SLC24A3: variants seen among roughly 807,000 people sequenced by gnomAD.
The protein encoded by SLC24A3 is sodium/potassium/calcium exchanger 3.
In SLC24A3, 28 loss-of-function variants were observed where a neutral mutation model predicts 75.8. The observed-to-expected ratio is 0.37, with a 90% CI of 0.27 to 0.51. SLC24A3 has a LOEUF of 0.51. Ranked by LOEUF, SLC24A3 falls within the 20% of genes least tolerant of loss-of-function variation. The pLI is 0.94. For missense variants in SLC24A3, 663 were observed against 847.8 expected (o/e 0.78, Z 2.71); for synonymous variants, 372 against 334.1 (o/e 1.11, Z -1.24).
intron 2 of SLC24A3, among the ~76,000 whole-genome samples, chr20:19,483,897 T>C (rs969689077): frequency 6.6e-6 from 1 of 152,194 alleles, no homozygotes; most frequent in Non-Finnish European, 1.5e-5. Flanking sequence ...TTCCAGGAAC[T>C]GAGGTCTGGC....
At chr20:19,669,455 T>C (rs1026838384) in intron 8 of SLC24A3, among the ~76,000 whole-genome samples, 6 of 151,842 alleles carry the variant, frequency 4.0e-5, no homozygotes, top group Admixed American at 6.6e-5. Flanking sequence ...TGAGCCAAGA[T>C]TGTGCCACTG....
intron 6 of SLC24A3, among the ~76,000 whole-genome samples, chr20:19,649,781 AC>A (rs2032180188): frequency 1.3e-5 from 2 of 152,166 alleles, no homozygotes; most frequent in African/African-American, 4.8e-5. Context: ...GTGTCTGGGA[AC>A]AGGGACCCAA....
intron 4 of SLC24A3, among the ~76,000 whole-genome samples, chr20:19,580,402 A>G (rs1461461369): frequency 6.6e-6 from 1 of 151,814 alleles, no homozygotes; most frequent in Admixed American, 6.6e-5. Context: ...CCTTTCTGTT[A>G]CTTCCTCCAC....
chr20:19,645,680 A>G (rs2032128493), intron 6 of SLC24A3, among the ~76,000 whole-genome samples: 1 of 152,174 alleles, frequency 6.6e-6, no homozygotes, highest in Non-Finnish European at 1.5e-5. Context: ...CTAAAAAAAA[A>G]TGCAATGTAC....
intron 2 of SLC24A3, among the ~76,000 whole-genome samples, chr20:19,346,091 ATATATATATATATATATG>A (rs1985395371): frequency 1.4e-5 from 1 of 71,648 alleles, no homozygotes; most frequent in East Asian, 3.6e-4. Flanking sequence ...ATATATATAT[ATATATATATATATATATG>A]GTGTGTGTGT....
At chr20:19,326,644 C>G (rs1984871507) in intron 2 of SLC24A3, among the ~76,000 whole-genome samples, 1 of 149,360 alleles carries the variant, frequency 6.7e-6, no homozygotes, top group South Asian at 2.1e-4. Context: ...GTGATGCAAT[C>G]ATAACTCACT....
intron 2 of SLC24A3, among the ~76,000 whole-genome samples, chr20:19,463,127 C>A (rs2122497252): frequency 6.6e-6 from 1 of 152,274 alleles, no homozygotes; most frequent in East Asian, 1.9e-4. Context: ...GAGAAATATT[C>A]CATAGCTTTC....
At chr20:19,247,708 G>A (rs955749752) in intron 1 of SLC24A3, among the ~76,000 whole-genome samples, 1 of 152,310 alleles carries the variant, frequency 6.6e-6, no homozygotes, top group Admixed American at 6.5e-5. Flanking sequence ...ATTGTATATT[G>A]AGAACATGCT....
intron 2 of SLC24A3, among the ~76,000 whole-genome samples, chr20:19,313,956 A>G (rs1367676814): frequency 1.3e-5 from 2 of 152,240 alleles, no homozygotes; most frequent in African/African-American, 4.8e-5. Context: ...GATGCCAGAT[A>G]CATGAGTTGA....
intron 2 of SLC24A3, among the ~76,000 whole-genome samples, chr20:19,345,416 T>C (rs1985369046): frequency 6.6e-6 from 1 of 152,192 alleles, no homozygotes; most frequent in African/African-American, 2.4e-5. Context: ...AAAGTTTATA[T>C]TGAAAGGCAA....
At chr20:19,325,034 T>A (rs1984806341) in intron 2 of SLC24A3, among the ~76,000 whole-genome samples, 1 of 149,708 alleles carries the variant, frequency 6.7e-6, no homozygotes, top group Non-Finnish European at 1.5e-5. Flanking sequence ...TTTTTTTTTT[T>A]AATGACACTA....
At chr20:19,568,616 G>T (rs912693456) in intron 3 of SLC24A3, among the ~76,000 whole-genome samples, 2 of 152,158 alleles carry the variant, frequency 1.3e-5, no homozygotes, top group African/African-American at 2.4e-5. Context: ...GGAAAATGGG[G>T]AGTTATTGTT....
At chr20:19,372,490 C>T (rs1023346458) in intron 2 of SLC24A3, among the ~76,000 whole-genome samples, 15 of 152,140 alleles carry the variant, frequency 9.9e-5, no homozygotes, top group East Asian at 1.9e-4. Context: ...ATGGTTCATG[C>T]GGGAATAAAG....
chr20:19,667,235 A>G (rs1348412509), intron 8 of SLC24A3, among the ~76,000 whole-genome samples: 1 of 152,224 alleles, frequency 6.6e-6, no homozygotes, highest in African/African-American at 2.4e-5. Context: ...CCTCTTTGCA[A>G]GAAGAAAGAG....
At chr20:19,335,064 T>A (rs1215391997) in intron 2 of SLC24A3, among the ~76,000 whole-genome samples, 1 of 152,192 alleles carries the variant, frequency 6.6e-6, no homozygotes, top group Non-Finnish European at 1.5e-5. Context: ...TAATATAGCT[T>A]GAAATAGGAC....
intron 2 of SLC24A3, among the ~76,000 whole-genome samples, chr20:19,426,887 G>A (rs1225061432): frequency 6.6e-6 from 1 of 151,746 alleles, no homozygotes. Flanking sequence ...TAGAGGCTTG[G>A]CCCTTGATTG....
intron 7 of SLC24A3, among the ~76,000 whole-genome samples, chr20:19,660,642 G>C (rs1422557397): frequency 6.6e-6 from 1 of 151,996 alleles, no homozygotes; most frequent in Non-Finnish European, 1.5e-5. Flanking sequence ...CTTTTCTTCG[G>C]GGTAGATACC....
chr20:19,496,904 A>C (rs1988297515), intron 2 of SLC24A3, among the ~76,000 whole-genome samples: 1 of 152,196 alleles, frequency 6.6e-6, no homozygotes, highest in South Asian at 2.1e-4. Flanking sequence ...GAGCAATAAC[A>C]GCACCAGGCC....
chr20:19,678,029 G>A (rs935283241), intron 9 of SLC24A3, among the ~76,000 whole-genome samples: 9 of 151,638 alleles, frequency 5.9e-5, no homozygotes, highest in African/African-American at 2.2e-4. Flanking sequence ...GGGGGGTAAG[G>A]TCACAGATCA....
Sources: gnomAD v4.1 joint callset for allele counts (sites outside exome capture counted in the v4.1 genomes callset) on GRCh38, gnomAD v4.1.1 for gene constraint, MANE v1.5 for transcripts, NCBI Gene and HGNC (gene_info 2026-07-23, HGNC 2026-07-21) for gene names.